Variants in RTN1 observed in about 807,000 individuals in gnomAD.
RTN1 encodes the protein reticulon-1.
In RTN1, 25 loss-of-function variants were observed where a neutral mutation model predicts 65.5. The ratio of observed to expected loss-of-function variants is 0.38; its 90% CI spans 0.28 to 0.53. The LOEUF (loss-of-function observed/expected upper bound fraction) is 0.53. Ranked by LOEUF, RTN1 falls within the 20% of genes least tolerant of loss-of-function variation. RTN1 has a pLI of 0.79. For synonymous variants in RTN1, 471 were observed against 447.6 expected (o/e 1.05, Z -0.66); for missense variants, 983 against 1,025.4 (o/e 0.96, Z 0.57).
chr14:59,862,068 A>G (rs1887720659), intron 1 of RTN1, among the ~76,000 whole-genome samples: 1 of 152,204 alleles, frequency 6.6e-6, no homozygotes, highest in Non-Finnish European at 1.5e-5. Flanking sequence ...CCATACCACT[A>G]GCTCATATTT....
At chr14:59,597,041 G>A (rs1881423001) in intron 8 of RTN1, among the ~76,000 whole-genome samples, 1 of 152,174 alleles carries the variant, frequency 6.6e-6, no homozygotes, top group African/African-American at 2.4e-5. Context: ...TTAGGTGGAG[G>A]AACATATTGA....
chr14:59,708,962 T>G (rs560121838), intron 3 of RTN1, among the ~76,000 whole-genome samples: 1 of 152,194 alleles, frequency 6.6e-6, no homozygotes, highest in South Asian at 2.1e-4. Context: ...TAGTGGAAAA[T>G]AGAAGTTGAG....
intron 1 of RTN1, among the ~76,000 whole-genome samples, chr14:59,828,404 C>T: frequency 6.6e-6 from 1 of 152,192 alleles, no homozygotes; most frequent in East Asian, 1.9e-4. Flanking sequence ...GAGTGCTGTG[C>T]TCATTTCTGG....
intron 3 of RTN1, chr14:59,630,632 A>C: frequency 8.7e-6 from 12 of 1,383,660 alleles, no homozygotes; most frequent in Non-Finnish European, 1.1e-5. Flanking sequence ...CTGAGGCTGC[A>C]CCAGGCGGCG....
At chr14:59,734,022 A>C (rs1034189116) in intron 2 of RTN1, among the ~76,000 whole-genome samples, 3 of 152,220 alleles carry the variant, frequency 2.0e-5, no homozygotes, top group Non-Finnish European at 4.4e-5. Flanking sequence ...TGGAGCTTCC[A>C]GAGGAAGAGG....
intron 1 of RTN1, among the ~76,000 whole-genome samples, chr14:59,772,756 A>G (rs147480289): frequency 2.3e-4 from 35 of 152,282 alleles, no homozygotes; most frequent in African/African-American, 8.2e-4. Flanking sequence ...AGATTTTCAA[A>G]CAAACACTTT....
chr14:59,701,545 A>C (rs1884178160), intron 3 of RTN1, among the ~76,000 whole-genome samples: 2 of 152,224 alleles, frequency 1.3e-5, no homozygotes. Context: ...TGAAAATATT[A>C]TATTATGCTA....
chr14:59,609,899 T>C (rs1881892877), intron 3 of RTN1, among the ~76,000 whole-genome samples: 1 of 152,078 alleles, frequency 6.6e-6, no homozygotes, highest in African/African-American at 2.4e-5. Context: ...GGATAAGAAA[T>C]AAATGGTAAT....
intron 1 of RTN1, among the ~76,000 whole-genome samples, chr14:59,835,071 T>C (rs1357115288): frequency 2.0e-5 from 3 of 152,182 alleles, no homozygotes; most frequent in Admixed American, 1.3e-4. Context: ...ACAGCTTCAT[T>C]TGTAATATCC....
chr14:59,668,052 T>C (rs1394259862), intron 3 of RTN1, among the ~76,000 whole-genome samples: 6 of 152,228 alleles, frequency 3.9e-5, no homozygotes, highest in Non-Finnish European at 8.8e-5. Flanking sequence ...AGATTCAATG[T>C]CATCCCCATC....
chr14:59,865,028 T>C (rs928621879), intron 1 of RTN1, among the ~76,000 whole-genome samples: 4 of 152,154 alleles, frequency 2.6e-5, no homozygotes, highest in African/African-American at 9.7e-5. Flanking sequence ...GCAGAGTTCC[T>C]AGACATAGGA....
intron 3 of RTN1, among the ~76,000 whole-genome samples, chr14:59,644,072 TA>T (rs1882839145): frequency 6.6e-6 from 1 of 152,144 alleles, no homozygotes; most frequent in African/African-American, 2.4e-5. Context: ...ACAGAAACTC[TA>T]AAAGGGAGCT....
chr14:59,660,720 G>A lies in RTN1; in HGVS notation c.1766-53228C>T, dbSNP rs185690888. Among the ~76,000 whole-genome samples the A allele has an allele frequency of 4.7e-4, 71 of 152,098 alleles. 1 individual carries two copies. The East Asian group carries it at 5.0e-3, about 11-fold the overall frequency. The stretch of plus-strand genomic sequence containing the variant: ...CAGACACAATGTACCAGAATCTCTC[G>A]GACACAGCTAAAGCAATGTTTAGAG... On this transcript the variant is annotated intron_variant, in intron 3 of 8. Coordinates refer to ENST00000267484, the MANE Select transcript of RTN1 (RefSeq NM_021136.3).
intron 1 of RTN1, among the ~76,000 whole-genome samples, chr14:59,867,597 A>G (rs1000562304): frequency 6.6e-6 from 1 of 152,222 alleles, no homozygotes; most frequent in Non-Finnish European, 1.5e-5. Context: ...CTGCTGAGAC[A>G]TATTTTTGGA....
At chr14:59,641,662 T>C (rs1288585350) in intron 3 of RTN1, among the ~76,000 whole-genome samples, 1 of 152,194 alleles carries the variant, frequency 6.6e-6, no homozygotes, top group Non-Finnish European at 1.5e-5. Flanking sequence ...TGAGCCACCA[T>C]GCCAGGCCTC....
At chr14:59,664,696 A>G (rs955964119) in intron 3 of RTN1, among the ~76,000 whole-genome samples, 4 of 152,014 alleles carry the variant, frequency 2.6e-5, no homozygotes, top group Non-Finnish European at 5.9e-5. Flanking sequence ...GTTCCTTTTT[A>G]TTTATTTTTT....
At position 59,794,393 on chromosome 14, in the gene RTN1, T is replaced by A. The variant is rs949210049; in HGVS notation, c.242-47912A>T. ...CAAACTTGAAAGTATTCTAAGCCAC[T>A]GGATCAAATCACCTCCAAAGCCTGT... On this transcript the variant is annotated intron_variant, in intron 1 of 8. Transcript: ENST00000267484. The surrounding 1 kb of genome is among the most constrained non-coding windows in gnomAD (Gnocchi z 5.1). Among the ~76,000 whole-genome samples the A allele has an allele frequency of 6.6e-6, 1 of 152,182 alleles. No homozygotes were observed. Among genetic ancestry groups the A allele is most frequent in the Non-Finnish European group, 1.5e-5 (1 of 68,030 alleles).
At position 59,846,553 on chromosome 14, in the gene RTN1, T is replaced by C. The variant is rs767627484; in HGVS notation, c.241+23837A>G. Among the ~76,000 whole-genome samples the C allele has an allele frequency of 6.6e-6, 1 of 152,084 alleles. No homozygotes were observed. Among genetic ancestry groups the C allele is most frequent in the Non-Finnish European group, 1.5e-5 (1 of 68,010 alleles). ...TTTCTCAGTGGTTACCAAGTAAGCA[T>C]AATGGAAAAAGAAGAGTAAGTGTGT... On this transcript the variant is annotated intron_variant, in intron 1 of 8. Coordinates refer to ENST00000267484, the MANE Select transcript of RTN1 (RefSeq NM_021136.3). The surrounding 1 kb of genome is among the most constrained non-coding windows in gnomAD (Gnocchi z 4.8).
At chr14:59,650,330 T>C (rs1161108713) in intron 3 of RTN1, among the ~76,000 whole-genome samples, 1 of 152,182 alleles carries the variant, frequency 6.6e-6, no homozygotes, top group Admixed American at 6.5e-5. Context: ...GATGGGTTGA[T>C]AGGTGGAGCA....
Sources: gnomAD v4.1 joint callset for allele counts (sites outside exome capture counted in the v4.1 genomes callset) on GRCh38, gnomAD v4.1.1 for gene constraint, Gnocchi (gnomAD v3.1) non-coding constraint, MANE v1.5 for transcripts, NCBI Gene and HGNC (gene_info 2026-07-23, HGNC 2026-07-21) for gene names.